Variants in NCKAP5 observed in about 807,000 individuals in gnomAD.
The protein encoded by NCKAP5 is nck-associated protein 5.
NCKAP5 carries 92 observed loss-of-function variants against 167.0 expected under a neutral mutation model. That is an observed-to-expected ratio of 0.55 (90% CI 0.47 to 0.66). The LOEUF is 0.66. Among genes scored for constraint, NCKAP5 ranks in the 30% least tolerant of loss-of-function variants. The pLI is 0.00. For missense variants in NCKAP5, 2,378 were observed against 2,315.0 expected, an observed-to-expected ratio of 1.03 and a Z score of -0.56; for synonymous variants, 891 against 877.4, an observed-to-expected ratio of 1.02 and a Z score of -0.27.
At chr2:133,017,647 T>C (rs570332597) in intron 6 of NCKAP5, among the ~76,000 whole-genome samples, 27 of 152,270 alleles carry the variant, frequency 1.8e-4, no homozygotes, top group Middle Eastern at 3.4e-3. Context: ...TCTTCCTCTC[T>C]TTACTAGACT....
chr2:133,057,197 C>A, intron 6 of NCKAP5, among the ~76,000 whole-genome samples: 1 of 152,188 alleles, frequency 6.6e-6, no homozygotes, highest in East Asian at 1.9e-4. Context: ...CTATCTCTCT[C>A]TCCTCAGGCC....
In NCKAP5 at chr2:133,567,757, C is replaced by T. The variant is rs184635338; in HGVS notation, c.-130+459G>A. Among the ~76,000 whole-genome samples the T allele has an allele frequency of 8.0e-4, 121 of 151,218 alleles. 1 individual carries two copies. Among genetic ancestry groups the T allele is most frequent in the Middle Eastern group, 3.4e-3 (1 of 292 alleles). On this transcript the variant is annotated intron_variant, in intron 1 of 19. Transcript: ENST00000409261. ...GAGACCATAAACATCAACATCCACACACTAGAAATCCATAAACCACAGAAA... is the reference window on the plus strand; with the variant it reads ...GAGACCATAAACATCAACATCCACATACTAGAAATCCATAAACCACAGAAA...
intron 8 of NCKAP5, among the ~76,000 whole-genome samples, chr2:132,883,768 T>C (rs192656974): frequency 1.3e-5 from 2 of 152,352 alleles, no homozygotes; most frequent in East Asian, 3.9e-4. Flanking sequence ...TTACAGTAAT[T>C]TGAAATTCAA....
At chr2:133,193,094 C>G (rs565896814) in intron 5 of NCKAP5, among the ~76,000 whole-genome samples, 1 of 152,114 alleles carries the variant, frequency 6.6e-6, no homozygotes, top group South Asian at 2.1e-4. Context: ...TTCATGCATA[C>G]AACAACTTGA....
At chr2:133,604,476 A>T in the NCKAP5 span, among the ~76,000 whole-genome samples, 1 of 152,062 alleles carries the variant, frequency 6.6e-6, no homozygotes, top group Admixed American at 6.5e-5. Context: ...AAAGTGCTGG[A>T]ATTACAGGTC....
chr2:132,860,560 G>C lies in NCKAP5; in HGVS notation c.739C>G (p.Gln247Glu), dbSNP rs1446210287. Residue 247 changes from glutamine to glutamate, a missense_variant, in exon 11 of 20, where the codon CAG becomes GAG. Around this residue, in one of 3 missense-constraint regions of NCKAP5, gnomAD observed 1,049 missense variants for 1,023.4 expected, o/e 1.02. Coordinates refer to ENST00000409261, the MANE Select transcript of NCKAP5 (RefSeq NM_207363.3). ...KLKTRVFDLE[Q>E]QNRTLSILFQ... is the part of the protein sequence containing the mutation. ...AGGATGCTTAGTGTTCGATTCTGCT[G>C]TTCCAAATCAAACACTCTTGTTTTC... 1.9e-6 allele frequency: 3 copies of C among 1,587,322 alleles called. No individual in the cohort carries two copies. Among genetic ancestry groups the C allele is most frequent in the Non-Finnish European group, 2.6e-6 (3 of 1,164,954 alleles).
At chr2:133,204,194 T>G (rs932256736) in intron 5 of NCKAP5, among the ~76,000 whole-genome samples, 1 of 152,186 alleles carries the variant, frequency 6.6e-6, no homozygotes, top group East Asian at 1.9e-4. Flanking sequence ...GGTATTATGG[T>G]TTTATTTTTA....
chr2:133,045,205 G>A (rs2079353448), intron 6 of NCKAP5, among the ~76,000 whole-genome samples: 1 of 151,992 alleles, frequency 6.6e-6, no homozygotes, highest in Admixed American at 6.6e-5. Flanking sequence ...ACAATGCACA[G>A]CACAGAAAAA....
At chr2:133,511,232 G>A (rs1022927786) in intron 3 of NCKAP5, among the ~76,000 whole-genome samples, 1 of 152,078 alleles carries the variant, frequency 6.6e-6, no homozygotes, top group Non-Finnish European at 1.5e-5. Context: ...AAGACTTTTC[G>A]TGTTAGGATC....
intron 6 of NCKAP5, 140 bp downstream of exon 6, chr2:133,129,838 C>A: frequency 1.0e-6 from 1 of 961,738 alleles, no homozygotes; most frequent in Admixed American, 3.9e-5. Flanking sequence ...ATGCTTCAGT[C>A]AGAACAGAAG....
rs371372513 is a variant in NCKAP5, at chr2:132,783,438, C to T, written c.3373G>A (p.Ala1125Thr). ...VSSSSSSSSPAKSHNSPHGCQ... is the reference protein window; with the variant it reads ...VSSSSSSSSPTKSHNSPHGCQ... Reference sequence around the variant, plus strand: ...CCATGAGGGCTGTTATGGCTTTTGGCGGGTGATGAGGATGATGAGGAACTG... The same window carrying T: ...CCATGAGGGCTGTTATGGCTTTTGGTGGGTGATGAGGATGATGAGGAACTG... Residue 1125 changes from alanine to threonine, a missense_variant, in exon 14 of 20, where the codon GCC (alanine) becomes ACC (threonine). Coordinates refer to ENST00000409261, the MANE Select transcript of NCKAP5 (RefSeq NM_207363.3). 1.3e-5 allele frequency: 20 copies of T among 1,584,138 alleles called. No homozygotes were observed. Among genetic ancestry groups the T allele is most frequent in the South Asian group, 3.5e-5 (3 of 85,140 alleles).
chr2:133,400,843 A>C (rs1368427969), intron 3 of NCKAP5, among the ~76,000 whole-genome samples: 1 of 152,216 alleles, frequency 6.6e-6, no homozygotes, highest in Non-Finnish European at 1.5e-5. Flanking sequence ...TTTAATAAGA[A>C]ATATTTATTT....
intron 6 of NCKAP5, among the ~76,000 whole-genome samples, chr2:133,013,989 A>G (rs994772379): frequency 2.0e-5 from 3 of 152,104 alleles, no homozygotes; most frequent in South Asian, 2.1e-4. Context: ...TCCTTGACCA[A>G]TGCCTCTATT....
chr2:133,058,515 C>T (rs1243329686), intron 6 of NCKAP5, among the ~76,000 whole-genome samples: 1 of 152,130 alleles, frequency 6.6e-6, no homozygotes, highest in Non-Finnish European at 1.5e-5. Context: ...TACAAACCTT[C>T]AGTGGTATAA....
At chr2:132,933,484 A>G (rs1378141378) in intron 8 of NCKAP5, among the ~76,000 whole-genome samples, 1 of 152,148 alleles carries the variant, frequency 6.6e-6, no homozygotes, top group Non-Finnish European at 1.5e-5. Flanking sequence ...GTAGGAATCC[A>G]AGGGAAATTT....
At chr2:133,547,746 A>G (rs1187322597) in intron 2 of NCKAP5, among the ~76,000 whole-genome samples, 1 of 149,426 alleles carries the variant, frequency 6.7e-6, no homozygotes, top group African/African-American at 2.5e-5. Context: ...ATCATCAAAG[A>G]CCAAAAGTAG....
At chr2:133,486,438 C>T (rs950092658) in intron 3 of NCKAP5, among the ~76,000 whole-genome samples, 1 of 152,198 alleles carries the variant, frequency 6.6e-6, no homozygotes, top group African/African-American at 2.4e-5. Context: ...AACCCCCATG[C>T]AGTGAGGCTA....
chr2:133,561,151 T>C (rs1688126458), intron 1 of NCKAP5, among the ~76,000 whole-genome samples: 1 of 152,248 alleles, frequency 6.6e-6, no homozygotes, highest in Non-Finnish European at 1.5e-5. Flanking sequence ...TACTGCTATT[T>C]ATCAGGAATC....
At chr2:132,789,768 T>C (rs965085325) in intron 13 of NCKAP5, among the ~76,000 whole-genome samples, 14 of 152,190 alleles carry the variant, frequency 9.2e-5, no homozygotes, top group Non-Finnish European at 1.8e-4. Context: ...TCTTGGCATG[T>C]ATATAAGTAG....
Sources: gnomAD v4.1 joint callset for allele counts (sites outside exome capture counted in the v4.1 genomes callset) on GRCh38, gnomAD v4.1.1 for gene constraint, gnomAD v4.1.1 regional missense constraint, MANE v1.5 for transcripts, NCBI Gene and HGNC (gene_info 2026-07-23, HGNC 2026-07-21) for gene names.